SNTG1: variants seen among roughly 807,000 people sequenced by gnomAD.
SNTG1 encodes gamma-1-syntrophin.
A neutral mutation model predicts 74.7 loss-of-function variants in SNTG1; 39 were observed. That is an observed-to-expected ratio of 0.52 (90% confidence interval 0.40 to 0.68). The LOEUF (loss-of-function observed/expected upper bound fraction) is 0.68. Among genes scored for constraint, SNTG1 ranks in the 30% least tolerant of loss-of-function variants. The pLI is 0.00. For synonymous variants in SNTG1, 254 were observed against 217.1 expected (o/e 1.17, Z -1.49); for missense variants, 685 against 609.5 (o/e 1.12, Z -1.30).
intron 1 of SNTG1, among the ~76,000 whole-genome samples, chr8:49,949,171 G>T (rs935300643): frequency 4.3e-4 from 66 of 152,174 alleles, no homozygotes; most frequent in African/African-American, 1.4e-3. Flanking sequence ...ACTGGTCATT[G>T]GTTTGTGGTT....
At chr8:50,750,273 A>G (rs532892114) in intron 17 of SNTG1, among the ~76,000 whole-genome samples, 2 of 152,072 alleles carry the variant, frequency 1.3e-5, no homozygotes, top group South Asian at 4.1e-4. Context: ...TTGCAATCTC[A>G]TGATAAAACT....
chr8:50,135,601 T>C lies in SNTG1; in HGVS notation c.-102-36960T>C, dbSNP rs186807344. On this transcript the variant is annotated intron_variant, in intron 1 of 18. Coordinates refer to ENST00000642720, the MANE Select transcript of SNTG1 (RefSeq NM_018967.5). ...TTCTCCTTAACCTTTACAAGGTCTTTCATGATTTTGGGGGACTTTCGTTTT... is the reference window on the plus strand; with the variant it reads ...TTCTCCTTAACCTTTACAAGGTCTTCCATGATTTTGGGGGACTTTCGTTTT... Among the ~76,000 whole-genome samples the C allele has an allele frequency of 6.6e-4, 101 of 152,252 alleles. 1 individual carries two copies. The East Asian group carries it at 0.017, about 25-fold the overall frequency.
At chr8:50,128,931 G>GC (rs1322407511) in intron 1 of SNTG1, among the ~76,000 whole-genome samples, 2 of 151,932 alleles carry the variant, frequency 1.3e-5, no homozygotes. Flanking sequence ...TACATTCATG[G>GC]CTATGTCAGT....
intron 12 of SNTG1, among the ~76,000 whole-genome samples, chr8:50,553,854 T>C (rs762875718): frequency 1.3e-5 from 2 of 152,170 alleles, no homozygotes; most frequent in Non-Finnish European, 2.9e-5. Context: ...TTACTGAGTA[T>C]CAATCTAGGT....
intron 15 of SNTG1, among the ~76,000 whole-genome samples, chr8:50,662,059 T>C (rs183184772): frequency 6.6e-6 from 1 of 152,214 alleles, no homozygotes; most frequent in East Asian, 1.9e-4. Flanking sequence ...CACTGGTTGA[T>C]AAGGAAGCCA....
chr8:50,324,893 G>T (rs2090674667), intron 2 of SNTG1, among the ~76,000 whole-genome samples: 1 of 147,912 alleles, frequency 6.8e-6, no homozygotes, highest in African/African-American at 2.5e-5. Context: ...TTACATTTAG[G>T]TGTATGATCC....
At chr8:50,760,322 G>A (rs1188881180) in intron 18 of SNTG1, among the ~76,000 whole-genome samples, 4 of 151,952 alleles carry the variant, frequency 2.6e-5, no homozygotes, top group African/African-American at 9.7e-5. Context: ...ATTCCTATTT[G>A]AATACCCTTT....
chr8:50,609,067 C>T (rs950299107), intron 13 of SNTG1, among the ~76,000 whole-genome samples: 1 of 151,988 alleles, frequency 6.6e-6, no homozygotes, highest in African/African-American at 2.4e-5. Context: ...ATGTTTTAAG[C>T]AATCTCATTC....
chr8:50,390,634 G>T (rs572644674), intron 2 of SNTG1, among the ~76,000 whole-genome samples: 11 of 152,138 alleles, frequency 7.2e-5, no homozygotes, highest in Non-Finnish European at 1.3e-4. Flanking sequence ...GATAGGGATG[G>T]CATTGAATCT....
At chr8:50,098,738 T>A (rs908512152) in intron 1 of SNTG1, among the ~76,000 whole-genome samples, 1 of 152,168 alleles carries the variant, frequency 6.6e-6, no homozygotes, top group East Asian at 1.9e-4. Context: ...TGAATATCAG[T>A]CCTTATTTAT....
chr8:50,579,507 C>G (rs1308377568), intron 12 of SNTG1, among the ~76,000 whole-genome samples: 1 of 152,134 alleles, frequency 6.6e-6, no homozygotes, highest in Non-Finnish European at 1.5e-5. Context: ...TTCATGGCAG[C>G]CCCTCCCATC....
At chr8:50,334,784 A>G (rs1295554678) in intron 2 of SNTG1, among the ~76,000 whole-genome samples, 13 of 152,178 alleles carry the variant, frequency 8.5e-5, no homozygotes, top group Admixed American at 5.9e-4. Context: ...GGGATAATAG[A>G]CTGAACAATA....
chr8:50,599,259 C>T, intron 13 of SNTG1, among the ~76,000 whole-genome samples: 1 of 152,008 alleles, frequency 6.6e-6, no homozygotes, highest in Non-Finnish European at 1.5e-5. Flanking sequence ...ATTTTTCTTA[C>T]TATATCTCTA....
intron 13 of SNTG1, among the ~76,000 whole-genome samples, chr8:50,602,296 A>ATTTTTTTTTTTTTTTTTTTTTTTTTTT (rs2094780720): frequency 1.3e-5 from 2 of 151,192 alleles, no homozygotes; most frequent in African/African-American, 4.9e-5. Context: ...ATGGTTTTCA[A>ATTTTTTTTTTTTTTTTTTTTTTTTTTT]TTTGAGGTTG....
intron 2 of SNTG1, among the ~76,000 whole-genome samples, chr8:50,354,940 C>T (rs756620890): frequency 6.6e-6 from 1 of 152,130 alleles, no homozygotes; most frequent in Non-Finnish European, 1.5e-5. Flanking sequence ...TTTGATACTA[C>T]TAAATTTCCT....
At chr8:50,640,588 G>A (rs1350304840) in intron 13 of SNTG1, among the ~76,000 whole-genome samples, 1 of 152,034 alleles carries the variant, frequency 6.6e-6, no homozygotes, top group Non-Finnish European at 1.5e-5. Flanking sequence ...TCTCAGACAT[G>A]GACACCTATC....
intron 18 of SNTG1, among the ~76,000 whole-genome samples, chr8:50,779,047 G>A (rs560107446): frequency 1.3e-5 from 2 of 152,204 alleles, no homozygotes; most frequent in Non-Finnish European, 2.9e-5. Flanking sequence ...GCTCTGTTGT[G>A]TTCCATTGAT....
intron 17 of SNTG1, chr8:50,747,732 T>G (rs537205566): frequency 6.6e-6 from 1 of 152,064 alleles, no homozygotes; most frequent in South Asian, 2.1e-4. Flanking sequence ...CCTTCCTTCT[T>G]TCTTTCCTTC....
At chr8:50,702,568 A>C (rs547999900) in intron 15 of SNTG1, among the ~76,000 whole-genome samples, 1 of 152,340 alleles carries the variant, frequency 6.6e-6, no homozygotes, top group South Asian at 2.1e-4. Context: ...ATAATGATAC[A>C]CTTACATCCC....
Sources: gnomAD v4.1 joint callset for allele counts (sites outside exome capture counted in the v4.1 genomes callset) on GRCh38, gnomAD v4.1.1 for gene constraint, MANE v1.5 for transcripts, NCBI Gene and HGNC (gene_info 2026-07-23, HGNC 2026-07-21) for gene names.